NEB: variants seen among roughly 807,000 people sequenced by gnomAD.
NEB encodes nebulin, also known as nemaline myopathy type 2.
In NEB, 512 loss-of-function variants were observed where a neutral mutation model predicts 952.2. The ratio of observed to expected loss-of-function variants is 0.54; its 90% CI spans 0.50 to 0.58. The LOEUF is 0.58. NEB is among the 20% of genes least tolerant of loss of function. The probability of loss-of-function intolerance (pLI) is 0.00; values close to 1 mark genes in which losing one functional copy is unlikely to be tolerated. For missense variants in NEB, 8,428 were observed against 9,231.1 expected (o/e 0.91, Z 3.56); for synonymous variants, 2,900 against 3,149.8 (o/e 0.92, Z 2.66).
chr2:151,707,393 A>C (rs2099710755), intron 12 of NEB, among the ~76,000 whole-genome samples: 1 of 152,032 alleles, frequency 6.6e-6, no homozygotes, highest in Non-Finnish European at 1.5e-5. Context: ...TCAGCTCTCA[A>C]CCCCCAGCTA....
At chr2:151,720,990 C>T (rs2099772670) in intron 9 of NEB, among the ~76,000 whole-genome samples, 1 of 152,132 alleles carries the variant, frequency 6.6e-6, no homozygotes, top group African/African-American at 2.4e-5. Flanking sequence ...TTTCTCTTTC[C>T]ATTAACGCAC....
At chr2:151,704,421 A>T (rs2099693929) in intron 13 of NEB, among the ~76,000 whole-genome samples, 1 of 148,460 alleles carries the variant, frequency 6.7e-6, no homozygotes. Flanking sequence ...TTGTTTACCT[A>T]ATCAAGCCTG....
At chr2:151,703,342 A>G (rs1285423145) in intron 13 of NEB, among the ~76,000 whole-genome samples, 1 of 45,742 alleles carries the variant, frequency 2.2e-5, no homozygotes, top group African/African-American at 6.9e-5. Flanking sequence ...TGTGTCTTGG[A>G]GTTGCTCTTC....
At chr2:151,667,050 TTAAC>T (rs2099228152) in intron 40 of NEB, among the ~76,000 whole-genome samples, 1 of 151,698 alleles carries the variant, frequency 6.6e-6, no homozygotes, top group African/African-American at 2.4e-5. Flanking sequence ...AAAAAAAAAA[TTAAC>T]TAAAATCCTG....
Position 151,626,900 on chromosome 2 carries a change from T to G in NEB, c.10347+102A>C, listed in dbSNP as rs969595485. On this transcript the variant is annotated intron_variant, in intron 70 of 181. Transcript: ENST00000397345. Reference sequence around the variant, plus strand: ...TTCAACTGAATCACTATACATTGGATAGCAATTTAATTGGATTTAAAAAAG... The same window carrying G: ...TTCAACTGAATCACTATACATTGGAGAGCAATTTAATTGGATTTAAAAAAG... 10 of 1,384,556 alleles carry G rather than the reference T, an allele frequency of 7.2e-6. No homozygotes were observed. The Admixed American group carries it at 7.4e-5, about 10-fold the overall frequency. 85.8% of individuals were successfully genotyped at this position (1,384,556 alleles called of 1,614,324 possible).
intron 74 of NEB, 39 bp downstream of exon 74, chr2:151,618,236 G>C: frequency 6.4e-7 from 1 of 1,552,900 alleles, no homozygotes; most frequent in Non-Finnish European, 8.9e-7. Flanking sequence ...TTGTTCTGTG[G>C]TAACTTTCGG....
intron 29 of NEB, among the ~76,000 whole-genome samples, chr2:151,681,714 C>T (rs934252584): frequency 1.3e-5 from 2 of 152,174 alleles, no homozygotes; most frequent in African/African-American, 4.8e-5. Context: ...ACTCACCTGA[C>T]AGCAGTGAGA....
In NEB at chr2:151,722,534, G is replaced by C. The variant is rs73007985; in HGVS notation, c.717+848C>G. On this transcript the variant is annotated intron_variant, in intron 9 of 181. Coordinates refer to ENST00000397345, the MANE Select transcript of NEB (RefSeq NM_001164508.2). ...TTTTTGGTTTGTTTAGTTGTTGTTG[G>C]TGTGGTCATTGTTTGTTTGTTTGTT... Among the ~76,000 whole-genome samples, 910 of 152,186 alleles carry C rather than the reference G, an allele frequency of 6.0e-3. 7 individuals carry two copies. The highest frequency in any genetic ancestry group is 0.021 in the African/African-American group (868 of 41,496).
Position 151,618,340 on chromosome 2 carries a change from A to G in NEB, c.11011T>C (p.Phe3671Leu), listed in dbSNP as rs1224685555. 6.2e-7 allele frequency: 1 copy of G among 1,613,988 alleles called. No homozygotes were observed. Among genetic ancestry groups the G allele is most frequent in the Admixed American group, 1.7e-5 (1 of 60,026 alleles). The stretch of plus-strand genomic sequence containing the variant: ...TCCGGAGTGTCCGTTATACTGGTAA[A>G]TTTCAGCGTTTCTGGACGCTGACGG... ...IYRQRPETLK[F>L]TSITDTPEQV... The change falls in exon 74 of 182, where the codon TTT (phenylalanine) becomes CTT (leucine). Residue 3671 changes from phenylalanine (F) to leucine (L), a missense_variant. Around this residue, in one of 11 missense-constraint regions of NEB, gnomAD observed 1,772 missense variants for 1,960.3 expected, o/e 0.90. Coordinates refer to ENST00000397345, the MANE Select transcript of NEB (RefSeq NM_001164508.2).
At chr2:151,556,857 A>T (rs1196334910) in intron 124 of NEB, among the ~76,000 whole-genome samples, 1 of 152,186 alleles carries the variant, frequency 6.6e-6, no homozygotes, top group East Asian at 1.9e-4. Context: ...TCTGGGACAC[A>T]TTTAAAGCAG....
rs2076361928 is a variant in NEB, at chr2:151,514,253, G to GT, written c.23127+64dup. The GT allele has an allele frequency of 3.5e-6, 4 of 1,149,150 alleles. No homozygotes were observed. In the South Asian group the frequency reaches 5.3e-5, roughly 15 times the overall value. 71.2% of individuals were successfully genotyped at this position (1,149,150 alleles called of 1,614,324 possible). ...CTGTTTTTGTTTTGCTTTTTCTGGT[G>GT]TAATTTGGCTAACAAAGAAATGATG... is the stretch of plus-strand genomic sequence containing the variant. On this transcript the variant is annotated intron_variant, in intron 159 of 181. Transcript: ENST00000397345.
intron 77 of NEB, 99 bp downstream of exon 77, chr2:151,614,177 G>A (rs919698111): frequency 3.4e-5 from 44 of 1,307,906 alleles, no homozygotes; most frequent in African/African-American, 4.4e-5. Flanking sequence ...ATCCTAAAGA[G>A]GTGTCTGTAG....
In NEB at chr2:151,710,439, T is replaced by C. The variant is rs1348511610; in HGVS notation, c.922A>G (p.Ser308Gly). 6.2e-7 allele frequency: 1 copy of C among 1,609,238 alleles called. No homozygotes were observed. Among genetic ancestry groups the C allele is most frequent in the African/African-American group, 1.3e-5 (1 of 74,820 alleles). Residue 308 changes from serine to glycine, a missense_variant, in exon 11 of 182, where the codon AGC (serine) becomes GGC (glycine). By Grantham distance (56) the Ser-to-Gly change is moderately conservative. Coordinates refer to ENST00000397345, the MANE Select transcript of NEB (RefSeq NM_001164508.2). ...GCCATCCCTTCCCACTTAACTGTGC[T>C]AATGTTATCAGCATTCATTCTGGCA... Reference protein sequence around the residue: ...ANARMNADNISTRKYQEDFEN... With the variant: ...ANARMNADNIGTRKYQEDFEN...
At chr2:151,703,881 A>G (rs1450467607) in intron 13 of NEB, among the ~76,000 whole-genome samples, 23 of 131,924 alleles carry the variant, frequency 1.7e-4, no homozygotes, top group African/African-American at 6.2e-4. Flanking sequence ...TTCTCCATCC[A>G]GCTTTATTCC....
chr2:151,721,785 A>C (rs142265485), intron 9 of NEB, among the ~76,000 whole-genome samples: 8 of 152,326 alleles, frequency 5.3e-5, no homozygotes, highest in African/African-American at 1.9e-4. Context: ...AATCTGTGAG[A>C]TACAGAATCA....
Position 151,569,428 on chromosome 2 carries a change from GC to G in NEB, c.17431-57del, listed in dbSNP as rs2096549419. 3 of 1,307,748 alleles carry G rather than the reference GC, an allele frequency of 2.3e-6. No individual in the cohort carries two copies. The Admixed American group carries it at 5.0e-5, about 22-fold the overall frequency. The allele number at this position is 1,307,748 out of a possible 1,614,324, so 81.0% of individuals were successfully genotyped here. On this transcript the variant is annotated intron_variant, in intron 109 of 181. Coordinates refer to ENST00000397345, the MANE Select transcript of NEB (RefSeq NM_001164508.2). ...AACCCTGGTCATGTGGTCCTAGTTA[GC>G]CTATCCATTGGTCTCATGAAGAAAT...
chr2:151,612,260 G>C lies in NEB; in HGVS notation c.11731C>G (p.Gln3911Glu), dbSNP rs1174344987. 6.2e-7 allele frequency: 1 copy of C among 1,613,708 alleles called. No individual in the cohort carries two copies. The highest frequency in any genetic ancestry group is 8.5e-7 in the Non-Finnish European group (1 of 1,179,830). The change falls in exon 78 of 182, where the codon CAG becomes GAG. Residue 3911 changes from glutamine (Q) to glutamate (E), a missense_variant. Transcript: ENST00000397345. Reference protein sequence around the residue: ...SDRKYRQPADQLKFTCITDTP... With the variant: ...SDRKYRQPADELKFTCITDTP... ...TCGGTAATGCATGTGAATTTGAGCT[G>C]GTCTGCAGGCTGGCGATACTTCCTG... is the stretch of plus-strand genomic sequence containing the variant.
chr2:151,538,173 G>C lies in NEB; in HGVS notation c.20964C>G (p.Val6988=), dbSNP rs769437280. The part of the protein sequence containing the change: ...YHTVKDALDI[V]YHRKVTDDIS... ...TGTCATCTGTGACTTTGCGATGATAGACAATGTCTAGGGCATCTTTCACCG... is the reference window on the plus strand; with the variant it reads ...TGTCATCTGTGACTTTGCGATGATACACAATGTCTAGGGCATCTTTCACCG... Residue 6988 remains valine (V), a synonymous_variant, in exon 139 of 182, where the codon GTC becomes GTG. Transcript: ENST00000397345. 1 of 1,612,556 alleles carries C rather than the reference G, an allele frequency of 6.2e-7. No homozygotes were observed. The highest frequency in any genetic ancestry group is 1.7e-5 in the Admixed American group (1 of 59,984).
chr2:151,511,055 G>A (rs1188989585), intron 161 of NEB, among the ~76,000 whole-genome samples: 1 of 152,190 alleles, frequency 6.6e-6, no homozygotes, highest in Non-Finnish European at 1.5e-5. Context: ...GCCAAAGAGA[G>A]CCCCAGGAGA....
Sources: gnomAD v4.1 joint callset for allele counts (sites outside exome capture counted in the v4.1 genomes callset) on GRCh38, gnomAD v4.1.1 for gene constraint, gnomAD v4.1.1 regional missense constraint, MANE v1.5 for transcripts, NCBI Gene and HGNC (gene_info 2026-07-23, HGNC 2026-07-21) for gene names.